OR2L3: variants seen among roughly 807,000 people sequenced by gnomAD.
The protein encoded by OR2L3 is olfactory receptor 2L3.
For missense variants in OR2L3, 369 were observed against 376.6 expected, an observed-to-expected ratio of 0.98 and a Z score of 0.17; for synonymous variants, 131 against 139.1, an observed-to-expected ratio of 0.94 and a Z score of 0.41.
intron 1 of OR2L3, among the ~76,000 whole-genome samples, chr1:248,054,936 C>T (rs1663385170): frequency 6.6e-6 from 1 of 152,132 alleles, no homozygotes; most frequent in Non-Finnish European, 1.5e-5. Context: ...TTCTTTATTT[C>T]CTTTGATTGA....
chr1:248,058,692 G>C (rs1298716062), intron 1 of OR2L3, among the ~76,000 whole-genome samples: 3 of 151,844 alleles, frequency 2.0e-5, no homozygotes, highest in African/African-American at 7.3e-5. Context: ...TTGTGAATTT[G>C]CATGCCATTT....
intron 1 of OR2L3, among the ~76,000 whole-genome samples, chr1:248,049,528 T>A (rs536113336): frequency 6.6e-6 from 1 of 152,164 alleles, no homozygotes; most frequent in Non-Finnish European, 1.5e-5. Context: ...ATAGAAAATA[T>A]CTTTCATTTA....
chr1:248,050,130 C>G (rs1663212571), intron 1 of OR2L3, among the ~76,000 whole-genome samples: 1 of 152,100 alleles, frequency 6.6e-6, no homozygotes. Context: ...CTGCCTTTCA[C>G]ATGAGACGTA....
In OR2L3 at chr1:248,060,665, G is replaced by GGATTGT; in HGVS notation, c.-17_-16insGATTGT. On this transcript the variant is annotated 5_prime_UTR_variant, in exon 2 of 2. Transcript: ENST00000359959. ...TACCCTTGTGTCTCCCTTCAGGAAA[G>GGATTGT]AGCACACGAATGCCCCATGGAAAAT... 1 of 1,592,216 alleles carries GGATTGT rather than the reference G, an allele frequency of 6.3e-7. No individual in the cohort carries two copies. The highest frequency in any genetic ancestry group is 8.6e-7 in the Non-Finnish European group (1 of 1,164,404).
chr1:248,060,847 A>G lies in OR2L3; in HGVS notation c.166A>G (p.Thr56Ala), dbSNP rs780148769. Residue 56 changes from threonine to alanine, a missense_variant, in exon 2 of 2, where the codon ACA becomes GCA. Transcript: ENST00000359959. ...LLIFLDTHLHTPMYFLLSQLS... is the reference protein window; with the variant it reads ...LLIFLDTHLHAPMYFLLSQLS... ...CATCTTCTTGGACACCCATCTCCACACACCCATGTATTTCCTACTTAGTCA... is the reference window on the plus strand; with the variant it reads ...CATCTTCTTGGACACCCATCTCCACGCACCCATGTATTTCCTACTTAGTCA... The G allele has an allele frequency of 1.4e-5, 23 of 1,613,864 alleles. No homozygotes were observed. The Middle Eastern group carries it at 5.0e-4, about 35-fold the overall frequency.
rs1307624198 is a variant in OR2L3 at position 248,062,902 on chromosome 1, C to T, written c.*1282C>T. 1 of 152,232 alleles carries T rather than the reference C, an allele frequency of 6.6e-6. No homozygotes were observed. The highest frequency in any genetic ancestry group is 1.9e-4 in the East Asian group (1 of 5,176). The allele number at this position is 152,232 out of a possible 1,614,324, so 9.4% of individuals were successfully genotyped here. On this transcript the variant is annotated 3_prime_UTR_variant, in exon 2 of 2. Transcript: ENST00000359959. ...AGTAATTAAAATAAAAGAACCAGTT[C>T]ACTGTAGATATATGGATTTATTTCT... is the stretch of plus-strand genomic sequence containing the variant.
Position 248,061,179 on chromosome 1 carries a change from T to C in OR2L3, c.498T>C (p.Pro166=), listed in dbSNP as rs145713178. The change falls in exon 2 of 2, where the codon CCT becomes CCC. Residue 166 remains proline (P), a synonymous_variant. Coordinates refer to ENST00000359959, the MANE Select transcript of OR2L3 (RefSeq NM_001004687.2). ...ACACTGTATATGTACTCCATATTCCTTATTGCCAATCCAGGGCCATCAATC... is the reference window on the plus strand; with the variant it reads ...ACACTGTATATGTACTCCATATTCCCTATTGCCAATCCAGGGCCATCAATC... ...CAHTVYVLHI[P]YCQSRAINHF... The C allele has an allele frequency of 1.3e-4, 204 of 1,612,930 alleles. No homozygotes were observed. Among genetic ancestry groups the C allele is most frequent in the Non-Finnish European group, 2.8e-5 (33 of 1,179,650 alleles).
intron 1 of OR2L3, among the ~76,000 whole-genome samples, chr1:248,053,219 C>T (rs191782580): frequency 4.9e-4 from 75 of 152,280 alleles, no homozygotes; most frequent in African/African-American, 1.7e-3. Flanking sequence ...GTTTTCTGTT[C>T]CTGCATTAGT....
rs148941926 is a variant in OR2L3 at position 248,061,388 on chromosome 1, C to T, written c.707C>T (p.Ala236Val). 1,344 of 1,614,098 alleles carry T rather than the reference C, an allele frequency of 8.3e-4. 27 individuals are homozygous for T. The East Asian group carries it at 0.023, about 28-fold the overall frequency. ...HMKSAEGRKK[A>V]YLTCSTHLTV... Reference sequence around the variant, plus strand: ...AAATCTGCAGAAGGGAGGAAGAAAGCCTACCTGACCTGCAGCACCCACCTC... The same window carrying T: ...AAATCTGCAGAAGGGAGGAAGAAAGTCTACCTGACCTGCAGCACCCACCTC... Residue 236 changes from alanine to valine, a missense_variant, in exon 2 of 2, where the codon GCC (alanine) becomes GTC (valine). By Grantham distance (64) the Ala-to-Val change is moderately conservative. Coordinates refer to ENST00000359959, the MANE Select transcript of OR2L3 (RefSeq NM_001004687.2).
intron 1 of OR2L3, among the ~76,000 whole-genome samples, chr1:248,059,566 G>A (rs1663556519): frequency 6.6e-6 from 1 of 152,188 alleles, no homozygotes; most frequent in African/African-American, 2.4e-5. Flanking sequence ...TGAAAATCAA[G>A]AGCGTGAATT....
In OR2L3 at chr1:248,061,470, C is replaced by T; in HGVS notation, c.789C>T (p.Ser263=). The change falls in exon 2 of 2, where the codon TCC becomes TCT. Residue 263 remains serine, a synonymous_variant. Transcript: ENST00000359959. Reference sequence around the variant, plus strand: ...TCTACACTTATCTACGTCCAAGATCCCTGCGATCTCCAACAGAGGACAAGG... The same window carrying T: ...TCTACACTTATCTACGTCCAAGATCTCTGCGATCTCCAACAGAGGACAAGG... ...PFVYTYLRPR[S]LRSPTEDKVL... 6.2e-7 allele frequency: 1 copy of T among 1,613,958 alleles called. No homozygotes were observed. The highest frequency in any genetic ancestry group is 8.5e-7 in the Non-Finnish European group (1 of 1,179,960).
At chr1:248,052,400 T>C (rs1262758515) in intron 1 of OR2L3, among the ~76,000 whole-genome samples, 3 of 152,182 alleles carry the variant, frequency 2.0e-5, no homozygotes, top group African/African-American at 7.2e-5. Context: ...TGCCACATTG[T>C]TTTGATTACT....
At chr1:248,057,588 T>C (rs926117802) in intron 1 of OR2L3, among the ~76,000 whole-genome samples, 1 of 152,148 alleles carries the variant, frequency 6.6e-6, no homozygotes, top group Non-Finnish European at 1.5e-5. Context: ...TTGGCTGTTG[T>C]TGACATCTTA....
Position 248,061,423 on chromosome 1 carries a change from A to T in OR2L3, c.742A>T (p.Thr248Ser). 6.2e-7 allele frequency: 1 copy of T among 1,614,086 alleles called. No individual in the cohort carries two copies. The highest frequency in any genetic ancestry group is 8.5e-7 in the Non-Finnish European group (1 of 1,180,000). ...LTCSTHLTVVTFYYAPFVYTY... is the reference protein window; with the variant it reads ...LTCSTHLTVVSFYYAPFVYTY... ...CTGCAGCACCCACCTCACTGTAGTA[A>T]CTTTCTACTATGCACCTTTTGTCTA... The change falls in exon 2 of 2, where the codon ACT becomes TCT. Residue 248 changes from threonine (T) to serine (S), a missense_variant. Coordinates refer to ENST00000359959, the MANE Select transcript of OR2L3 (RefSeq NM_001004687.2).
chr1:248,058,987 G>A (rs888864939), intron 1 of OR2L3, among the ~76,000 whole-genome samples: 2 of 151,912 alleles, frequency 1.3e-5, no homozygotes, highest in African/African-American at 4.8e-5. Flanking sequence ...TATGTTACCT[G>A]TTGCATCCTT....
chr1:248,061,828 TA>T lies in OR2L3; in HGVS notation c.*211del. The T allele has an allele frequency of 2.4e-6, 1 of 424,768 alleles. No individual in the cohort carries two copies. Among genetic ancestry groups the T allele is most frequent in the Non-Finnish European group, 4.1e-6 (1 of 246,370 alleles). 26.3% of individuals were successfully genotyped at this position (424,768 alleles called of 1,614,324 possible). A position where few individuals can be genotyped will look rare whatever the true frequency, so the allele number is the denominator to read the frequency against. ...TTTTTTCTTCATGGCATTGTTTCCA[TA>T]AATTTTGAAAGCACCTACTTTTACT... On this transcript the variant is annotated 3_prime_UTR_variant, in exon 2 of 2. Coordinates refer to ENST00000359959, the MANE Select transcript of OR2L3 (RefSeq NM_001004687.2).
chr1:248,060,558 AGT>A (rs1237734567), intron 1 of OR2L3, 101 bp from the exon 2 acceptor site: 1 of 733,320 alleles, frequency 1.4e-6, no homozygotes, highest in Non-Finnish European at 2.4e-6. Flanking sequence ...TATAGGGCTC[AGT>A]GTCAACTCCA....
rs374796739 is a variant in OR2L3 at position 248,060,680 on chromosome 1, C to G, written c.-2C>G. 4 of 1,608,866 alleles carry G rather than the reference C, an allele frequency of 2.5e-6. No individual in the cohort carries two copies. In the African/African-American group the frequency reaches 5.3e-5, roughly 22 times the overall value. On this transcript the variant is annotated 5_prime_UTR_variant, in exon 2 of 2. Coordinates refer to ENST00000359959, the MANE Select transcript of OR2L3 (RefSeq NM_001004687.2). ...CTTCAGGAAAGAGCACACGAATGCCCCATGGAAAATTACAATCAAACATCA... is the reference window on the plus strand; with the variant it reads ...CTTCAGGAAAGAGCACACGAATGCCGCATGGAAAATTACAATCAAACATCA...
rs774414696 is a variant in OR2L3 at position 248,061,508 on chromosome 1, T to A, written c.827T>A (p.Phe276Tyr). Reference sequence around the variant, plus strand: ...ACAGAGGACAAGGTTCTGGCTGTCTTCTACACCACCCTCACTCCAATGCTC... The same window carrying A: ...ACAGAGGACAAGGTTCTGGCTGTCTACTACACCACCCTCACTCCAATGCTC... Reference protein sequence around the residue: ...SPTEDKVLAVFYTTLTPMLNP... With the variant: ...SPTEDKVLAVYYTTLTPMLNP... The change falls in exon 2 of 2, where the codon TTC (phenylalanine) becomes TAC (tyrosine). Residue 276 changes from phenylalanine to tyrosine, a missense_variant. Phe to Tyr is a conservative substitution (Grantham distance 22). Transcript: ENST00000359959. The A allele has an allele frequency of 6.2e-6, 10 of 1,613,878 alleles. No homozygotes were observed. Among genetic ancestry groups the A allele is most frequent in the Non-Finnish European group, 8.5e-6 (10 of 1,179,892 alleles).
Sources: allele counts gnomAD v4.1 joint callset (sites outside exome capture counted in the v4.1 genomes callset), GRCh38; gene constraint gnomAD v4.1.1; transcripts MANE v1.5; gene names NCBI Gene and HGNC (gene_info 2026-07-23, HGNC 2026-07-21).